Variants in CNTN4 observed in about 807,000 individuals in gnomAD.
CNTN4 encodes the protein contactin-4.
In CNTN4, 77 loss-of-function variants were observed where a neutral mutation model predicts 122.5. The ratio of observed to expected loss-of-function variants is 0.63; its 90% CI spans 0.52 to 0.76. The LOEUF (loss-of-function observed/expected upper bound fraction) is 0.76, where lower values mean the gene tolerates loss of function less well. CNTN4 is among the 30% of genes least tolerant of loss of function. The probability of loss-of-function intolerance (pLI) is 0.00; values close to 1 mark genes in which losing one functional copy is unlikely to be tolerated. For synonymous variants in CNTN4, 512 were observed against 447.0 expected (o/e 1.15, Z -1.83); for missense variants, 1,256 against 1,259.1 (o/e 1.00, Z 0.04).
intron 3 of CNTN4, among the ~76,000 whole-genome samples, chr3:2,390,965 G>C (rs2046420675): frequency 1.3e-5 from 2 of 152,134 alleles, no homozygotes; most frequent in South Asian, 4.1e-4. Context: ...TATAAAATAA[G>C]AGATGCAAAG....
intron 7 of CNTN4, among the ~76,000 whole-genome samples, chr3:2,830,691 G>T (rs766951675): frequency 1.3e-5 from 2 of 152,150 alleles, no homozygotes; most frequent in African/African-American, 4.8e-5. Flanking sequence ...ATAATCCAGT[G>T]GACATTCACT....
At chr3:2,138,243 T>C (rs1386426242) in intron 2 of CNTN4, among the ~76,000 whole-genome samples, 1 of 152,010 alleles carries the variant, frequency 6.6e-6, no homozygotes, top group African/African-American at 2.4e-5. Context: ...TTTTTGTGTT[T>C]TTTTACTAGG....
intron 8 of CNTN4, among the ~76,000 whole-genome samples, chr3:2,881,491 C>T (rs956214203): frequency 2.0e-5 from 3 of 147,208 alleles, no homozygotes; most frequent in African/African-American, 5.0e-5. Flanking sequence ...CCAGCCTGGG[C>T]GACAGAGCAA....
chr3:2,251,876 C>T (rs558588454), intron 2 of CNTN4, among the ~76,000 whole-genome samples: 1 of 151,936 alleles, frequency 6.6e-6, no homozygotes, highest in East Asian at 1.9e-4. Flanking sequence ...GCTGTTTTCC[C>T]ATTTCAATCA....
chr3:2,160,925 C>T (rs2035939617), intron 2 of CNTN4, among the ~76,000 whole-genome samples: 1 of 152,032 alleles, frequency 6.6e-6, no homozygotes, highest in Non-Finnish European at 1.5e-5. Context: ...TATAATCCCT[C>T]TTGCCTGGGG....
At chr3:2,768,935 C>CGA (rs2090973197) in intron 6 of CNTN4, among the ~76,000 whole-genome samples, 1 of 152,046 alleles carries the variant, frequency 6.6e-6, no homozygotes. Context: ...GGGACAGATC[C>CGA]GAGGATCAAA....
intron 2 of CNTN4, among the ~76,000 whole-genome samples, chr3:2,260,078 T>C (rs2040764522): frequency 6.6e-6 from 1 of 152,150 alleles, no homozygotes; most frequent in African/African-American, 2.4e-5. Flanking sequence ...AATTACAGTT[T>C]TGTATAATTT....
At chr3:2,363,305 C>A (rs922091296) in intron 3 of CNTN4, among the ~76,000 whole-genome samples, 11 of 152,204 alleles carry the variant, frequency 7.2e-5, no homozygotes, top group Non-Finnish European at 1.3e-4. Flanking sequence ...TAGGCTAAGC[C>A]TGTCACCTCT....
At chr3:2,417,858 T>C (rs1288390855) in intron 3 of CNTN4, among the ~76,000 whole-genome samples, 1 of 152,192 alleles carries the variant, frequency 6.6e-6, no homozygotes, top group Non-Finnish European at 1.5e-5. Context: ...AAATGTGTAT[T>C]ACTAAGTGAA....
At chr3:2,524,296 T>C (rs1284378288) in intron 3 of CNTN4, among the ~76,000 whole-genome samples, 1 of 152,140 alleles carries the variant, frequency 6.6e-6, no homozygotes, top group African/African-American at 2.4e-5. Context: ...TTTAGCCATA[T>C]TGTCGTGTGC....
At chr3:2,974,528 A>G (rs1273231757) in intron 13 of CNTN4, among the ~76,000 whole-genome samples, 1 of 152,222 alleles carries the variant, frequency 6.6e-6, no homozygotes, top group African/African-American at 2.4e-5. Flanking sequence ...TGGAGCCCAG[A>G]GGGGTTGAGA....
In CNTN4 at chr3:2,342,852, T is replaced by C. The variant is rs145099682; in HGVS notation, c.-89+3619T>C. ...CAGCATGAGAATGGACTAATATACA[T>C]GTATAAGAAATACCTAGAATAGGCA... On this transcript the variant is annotated intron_variant, in intron 3 of 24. Transcript: ENST00000418658. Among the ~76,000 whole-genome samples, 1,464 of 152,276 alleles carry C rather than the reference T, an allele frequency of 9.6e-3. 28 individuals are homozygous for C. Among genetic ancestry groups the C allele is most frequent in the African/African-American group, 0.034 (1,400 of 41,560 alleles).
At chr3:2,205,028 A>G (rs910062001) in intron 2 of CNTN4, among the ~76,000 whole-genome samples, 4 of 152,106 alleles carry the variant, frequency 2.6e-5, no homozygotes, top group African/African-American at 9.6e-5. Flanking sequence ...GTTTTGCTTA[A>G]TAAAATAGTT....
chr3:2,435,712 A>C (rs1369755506), intron 3 of CNTN4, among the ~76,000 whole-genome samples: 1 of 152,198 alleles, frequency 6.6e-6, no homozygotes, highest in Non-Finnish European at 1.5e-5. Flanking sequence ...CATACAAGGG[A>C]TGTTCCTCTA....
chr3:2,284,198 T>C (rs917030468), intron 2 of CNTN4, among the ~76,000 whole-genome samples: 24 of 152,128 alleles, frequency 1.6e-4, no homozygotes, highest in Non-Finnish European at 3.1e-4. Flanking sequence ...GAAATTAGAA[T>C]GATGCCTGTA....
chr3:2,220,726 A>T (rs1227001587), intron 2 of CNTN4, among the ~76,000 whole-genome samples: 2 of 152,082 alleles, frequency 1.3e-5, no homozygotes, highest in African/African-American at 4.8e-5. Flanking sequence ...AAGGAGCTTG[A>T]CACCATACTG....
chr3:2,205,185 A>C (rs1179243205), intron 2 of CNTN4, among the ~76,000 whole-genome samples: 3 of 151,280 alleles, frequency 2.0e-5, no homozygotes, highest in Non-Finnish European at 4.4e-5. Flanking sequence ...CATACTTTTA[A>C]ATACATGGAT....
In CNTN4 at chr3:2,298,722, G is replaced by T. The variant is rs1345936091; in HGVS notation, c.-144-40456G>T. Among the ~76,000 whole-genome samples, 3 of 152,198 alleles carry T rather than the reference G, an allele frequency of 2.0e-5. No homozygotes were observed. In the East Asian group the frequency reaches 5.8e-4, roughly 29 times the overall value. On this transcript the variant is annotated intron_variant, in intron 2 of 24. Coordinates refer to ENST00000418658, the MANE Select transcript of CNTN4 (RefSeq NM_175607.3). Reference sequence around the variant, plus strand: ...ATATTCTATAGTTTACTTAGTGAATGTTATTCCTGAAGACTACAAGTGGCA... The same window carrying T: ...ATATTCTATAGTTTACTTAGTGAATTTTATTCCTGAAGACTACAAGTGGCA...
At chr3:2,458,326 C>A (rs747114886) in intron 3 of CNTN4, among the ~76,000 whole-genome samples, 1 of 152,024 alleles carries the variant, frequency 6.6e-6, no homozygotes, top group Non-Finnish European at 1.5e-5. Context: ...AAAAAATGAA[C>A]GATGTTTTAT....
Sources: allele counts gnomAD v4.1 joint callset (sites outside exome capture counted in the v4.1 genomes callset), GRCh38; gene constraint gnomAD v4.1.1; transcripts MANE v1.5; gene names NCBI Gene and HGNC (gene_info 2026-07-23, HGNC 2026-07-21).